Variants in ABCA10 observed in about 807,000 individuals in gnomAD.
ABCA10 encodes ATP-binding cassette sub-family A member 10.
A neutral mutation model predicts 187.5 loss-of-function variants in ABCA10; 169 were observed. The ratio of observed to expected loss-of-function variants is 0.90; its 90% CI spans 0.80 to 1.02. The LOEUF (loss-of-function observed/expected upper bound fraction) is 1.02. Ranked by LOEUF, ABCA10 falls within the 50% of genes least tolerant of loss-of-function variation. The probability of loss-of-function intolerance (pLI) is 0.00; values close to 1 mark genes in which losing one functional copy is unlikely to be tolerated. For missense variants in ABCA10, 1,727 were observed against 1,812.4 expected (o/e 0.95, Z 0.86); for synonymous variants, 574 against 601.8 (o/e 0.95, Z 0.68).
chr17:69,196,034 C>A (rs974194426), intron 11 of ABCA10, among the ~76,000 whole-genome samples: 2 of 152,244 alleles, frequency 1.3e-5, no homozygotes, highest in African/African-American at 4.8e-5. Flanking sequence ...TGGACAAAAC[C>A]GCCATCATCA....
intron 2 of ABCA10, among the ~76,000 whole-genome samples, chr17:69,226,342 A>T (rs1484459668): frequency 6.6e-6 from 1 of 152,034 alleles, no homozygotes; most frequent in Non-Finnish European, 1.5e-5. Flanking sequence ...TGAGTAATAA[A>T]TATAGATGTA....
chr17:69,239,699 G>A (rs564034722), intron 1 of ABCA10, among the ~76,000 whole-genome samples: 131 of 152,076 alleles, frequency 8.6e-4, no homozygotes, highest in African/African-American at 3.0e-3. Context: ...GCTGCCACCC[G>A]GCCTCTATTA....
chr17:69,192,763 C>G, intron 15 of ABCA10, 110 bp from the exon 16 acceptor site: 3 of 930,074 alleles, frequency 3.2e-6, no homozygotes, highest in Non-Finnish European at 4.9e-6. Flanking sequence ...ATCAATACAA[C>G]TGTAATATCA....
intron 6 of ABCA10, among the ~76,000 whole-genome samples, chr17:69,218,058 T>C (rs879555273): frequency 2.0e-5 from 3 of 152,182 alleles, no homozygotes; most frequent in African/African-American, 4.8e-5. Flanking sequence ...GATATTCCAA[T>C]TGTTCTGATT....
chr17:69,214,909 A>AT lies in ABCA10; in HGVS notation c.859-59dup, dbSNP rs77351592. On this transcript the variant is annotated intron_variant, in intron 8 of 38. Coordinates refer to ENST00000690296, the MANE Select transcript of ABCA10 (RefSeq NM_001377321.1). The stretch of plus-strand genomic sequence containing the variant: ...TGAACTTATAAAACTAAATAAAACA[A>AT]TTTTTTTTAAAAAATAGTGGTACCT... The AT allele has an allele frequency of 7.2e-5, 93 of 1,296,070 alleles. No individual in the cohort carries two copies. In the Middle Eastern group the frequency reaches 8.1e-4, roughly 11 times the overall value. 80.3% of individuals were successfully genotyped at this position (1,296,070 alleles called of 1,614,324 possible).
chr17:69,196,433 G>T, intron 11 of ABCA10: 1 of 182,840 alleles, frequency 5.5e-6, no homozygotes, highest in South Asian at 1.0e-4. Context: ...GGGCAGAGGC[G>T]CTCCCCACAT....
intron 19 of ABCA10, among the ~76,000 whole-genome samples, chr17:69,186,565 C>T (rs1468895525): frequency 6.6e-6 from 1 of 152,140 alleles, no homozygotes; most frequent in Non-Finnish European, 1.5e-5. Flanking sequence ...AGTCAAGCAC[C>T]GCAAAAGAGT....
In ABCA10 at chr17:69,153,293, C is replaced by T; in HGVS notation, c.4136+12G>A. On this transcript the variant is annotated intron_variant, in intron 34 of 38. Coordinates refer to ENST00000690296, the MANE Select transcript of ABCA10 (RefSeq NM_001377321.1). ...TCTCTTGACTCTGACACTTAATATT[C>T]ACTCTCCTTACCACATTTGCTGCTG... The T allele has an allele frequency of 6.3e-7, 1 of 1,593,956 alleles. No individual in the cohort carries two copies. The highest frequency in any genetic ancestry group is 8.5e-7 in the Non-Finnish European group (1 of 1,173,582).
At chr17:69,193,421 G>C (rs1425045629) in intron 14 of ABCA10, 72 bp downstream of exon 14, 1 of 1,541,746 alleles carries the variant, frequency 6.5e-7, no homozygotes, top group Non-Finnish European at 8.7e-7. Flanking sequence ...AATTACAGTA[G>C]AAGTTGGACT....
chr17:69,148,088 G>C lies in ABCA10; in HGVS notation c.*739C>G, dbSNP rs1338370528. On this transcript the variant is annotated 3_prime_UTR_variant, in exon 39 of 39. Transcript: ENST00000690296. ...ACAACTCTGGTATTACATCAATACA[G>C]CTATAACATTAATGCAGCAATTATA... The C allele has an allele frequency of 6.6e-6, 1 of 152,084 alleles. No homozygotes were observed. The highest frequency in any genetic ancestry group is 2.4e-5 in the African/African-American group (1 of 41,410). The allele number at this position is 152,084 out of a possible 1,614,324, so 9.4% of individuals were successfully genotyped here. A position where few individuals can be genotyped will look rare whatever the true frequency, so the allele number is the denominator to read the frequency against.
At chr17:69,201,245 G>C (rs1262330672) in intron 10 of ABCA10, among the ~76,000 whole-genome samples, 4 of 152,138 alleles carry the variant, frequency 2.6e-5, no homozygotes, top group Non-Finnish European at 4.4e-5. Flanking sequence ...AAAGCAGAGA[G>C]GGAGTATAAG....
Position 69,225,400 on chromosome 17 carries a change from C to T in ABCA10, c.-42G>A. 6.2e-7 allele frequency: 1 copy of T among 1,606,624 alleles called. No homozygotes were observed. Among genetic ancestry groups the T allele is most frequent in the Non-Finnish European group, 8.5e-7 (1 of 1,174,348 alleles). On this transcript the variant is annotated 5_prime_UTR_variant, in exon 3 of 39. It introduces an in-frame stop codon into an upstream open reading frame of the 5' UTR. Coordinates refer to ENST00000690296, the MANE Select transcript of ABCA10 (RefSeq NM_001377321.1). ...TTACTGACTGGTGTATATGCCACTA[C>T]CAGGCCAGAGTCATTAAACTGATCC...
chr17:69,223,165 T>C (rs1186974149), intron 3 of ABCA10, among the ~76,000 whole-genome samples: 1 of 152,136 alleles, frequency 6.6e-6, no homozygotes, highest in African/African-American at 2.4e-5. Context: ...AAAGTAGATA[T>C]TACTTTAGTG....
At chr17:69,213,498 A>G (rs1022230323) in intron 9 of ABCA10, among the ~76,000 whole-genome samples, 1 of 152,152 alleles carries the variant, frequency 6.6e-6, no homozygotes, top group African/African-American at 2.4e-5. Context: ...ATAGCCAGGA[A>G]AGTGGGGGAA....
At chr17:69,158,000 A>G (rs1340769096) in intron 27 of ABCA10, among the ~76,000 whole-genome samples, 2 of 152,058 alleles carry the variant, frequency 1.3e-5, no homozygotes, top group Admixed American at 1.3e-4. Context: ...CATTCTTAAC[A>G]GAGGCTCACA....
Position 69,192,673 on chromosome 17 carries a change from C to A in ABCA10, c.1781-20G>T, listed in dbSNP as rs764406136. ...TCCTATCTGAGTAGAAAGGAAGATT[C>A]AAAAAATTATGTGAAGAGTAATTCC... On this transcript the variant is annotated intron_variant, in intron 15 of 38. Transcript: ENST00000690296. 2.5e-6 allele frequency: 4 copies of A among 1,581,976 alleles called. No individual in the cohort carries two copies. The highest frequency in any genetic ancestry group is 3.5e-6 in the Non-Finnish European group (4 of 1,154,714).
intron 15 of ABCA10, 144 bp downstream of exon 15, chr17:69,192,966 T>C (rs2074472275): frequency 8.5e-7 from 1 of 1,183,230 alleles, no homozygotes; most frequent in Non-Finnish European, 1.2e-6. Flanking sequence ...TGACCTGTTG[T>C]AGCCAATGGC....
chr17:69,201,398 T>A, intron 10 of ABCA10, 102 bp downstream of exon 10: 2 of 1,090,174 alleles, frequency 1.8e-6, no homozygotes, highest in Non-Finnish European at 2.5e-6. Context: ...AGAGAAATAA[T>A]AAAAAGAAAA....
intron 19 of ABCA10, 105 bp downstream of exon 19, chr17:69,187,575 CA>C: frequency 8.0e-7 from 1 of 1,249,954 alleles, no homozygotes; most frequent in Non-Finnish European, 1.1e-6. Flanking sequence ...GGTAAACATA[CA>C]AAAAAACTGT....
Sources: allele counts gnomAD v4.1 joint callset (sites outside exome capture counted in the v4.1 genomes callset), GRCh38; gene constraint gnomAD v4.1.1; transcripts MANE v1.5; gene names NCBI Gene and HGNC (gene_info 2026-07-23, HGNC 2026-07-21).